The following TCF4 variants were observed in gnomAD, a reference collection of about 807,000 sequenced individuals.
The protein encoded by TCF4 is SL3-3 enhancer factor 2.
TCF4 carries 3 observed loss-of-function variants against 82.1 expected under a neutral mutation model. The ratio of observed to expected loss-of-function variants is 0.04; its 90% confidence interval spans 0.02 to 0.09. The LOEUF (loss-of-function observed/expected upper bound fraction) is 0.09. Ranked by LOEUF, TCF4 falls within the 10% of genes least tolerant of loss-of-function variation. The probability of loss-of-function intolerance (pLI) is 1.00; values close to 1 mark genes in which losing one functional copy is unlikely to be tolerated. For synonymous variants in TCF4, 276 were observed against 309.6 expected (o/e 0.89, Z 1.14); for missense variants, 518 against 852.7 (o/e 0.61, Z 4.89).
At chr18:55,302,375 C>T (rs952505305) in intron 8 of TCF4, 69 of 1,523,820 alleles carry the variant, frequency 4.5e-5, no homozygotes, top group African/African-American at 9.6e-5. Context: ...TCAAGTCAGG[C>T]AGGCTCAGGA....
intron 15 of TCF4, among the ~76,000 whole-genome samples, chr18:55,242,297 C>T (rs977025998): frequency 5.3e-5 from 8 of 152,100 alleles, no homozygotes; most frequent in African/African-American, 1.7e-4. Context: ...TGCTGCCATT[C>T]GTAAAGCCTA....
intron 5 of TCF4, among the ~76,000 whole-genome samples, chr18:55,429,856 G>A (rs1334252784): frequency 6.8e-6 from 1 of 147,848 alleles, no homozygotes; most frequent in Non-Finnish European, 1.5e-5. Flanking sequence ...TCCAAATCCT[G>A]AAGATTCCAC....
intron 8 of TCF4, among the ~76,000 whole-genome samples, chr18:55,291,327 A>T (rs1416047395): frequency 6.6e-6 from 1 of 152,184 alleles, no homozygotes; most frequent in Non-Finnish European, 1.5e-5. Flanking sequence ...AGAGTTATAA[A>T]TGAACTCTGC....
intron 5 of TCF4, chr18:55,423,700 G>C (rs1037388719): frequency 1.3e-5 from 2 of 152,492 alleles, no homozygotes; most frequent in Non-Finnish European, 1.5e-5. Context: ...CAGCGCAGCC[G>C]TGCAACAACG....
At chr18:55,493,362 T>C (rs916877114) in intron 3 of TCF4, among the ~76,000 whole-genome samples, 6 of 152,150 alleles carry the variant, frequency 3.9e-5, no homozygotes, top group Non-Finnish European at 7.4e-5. Flanking sequence ...TCATTACAAA[T>C]AATATCACTC....
chr18:55,512,276 A>C (rs1185053484), intron 3 of TCF4, among the ~76,000 whole-genome samples: 5 of 152,182 alleles, frequency 3.3e-5, no homozygotes, highest in Non-Finnish European at 7.4e-5. Context: ...TCTTAAAATA[A>C]ATTATGGAAG....
rs1031546669 is a variant in TCF4 at position 55,320,048 on chromosome 18, A to G, written c.549+30311T>C. ...GAGACACTTTTGCTTACTGACTACG[A>G]TGGCATCATTCACAAAATTTTCATT... On this transcript the variant is annotated intron_variant, in intron 8 of 19. Transcript: ENST00000354452. Among the ~76,000 whole-genome samples the G allele has an allele frequency of 2.0e-5, 3 of 152,208 alleles. No individual in the cohort carries two copies. The East Asian group carries it at 5.8e-4, about 29-fold the overall frequency.
At chr18:55,617,921 A>G (rs1417421728) in intron 2 of TCF4, among the ~76,000 whole-genome samples, 3 of 151,326 alleles carry the variant, frequency 2.0e-5, no homozygotes, top group African/African-American at 7.3e-5. Flanking sequence ...CTTCCTTTCC[A>G]GCTTGGATGC....
chr18:55,575,106 A>G (rs931293693), intron 3 of TCF4, among the ~76,000 whole-genome samples: 1 of 152,210 alleles, frequency 6.6e-6, no homozygotes, highest in African/African-American at 2.4e-5. Flanking sequence ...CACCCCATAT[A>G]AAAGAGAAAT....
intron 5 of TCF4, among the ~76,000 whole-genome samples, chr18:55,440,854 A>T (rs1172530009): frequency 9.9e-5 from 15 of 152,102 alleles, no homozygotes; most frequent in Admixed American, 3.9e-4. Context: ...GTCTATTCTT[A>T]CACAGCATAA....
chr18:55,293,297 T>C (rs570007885), intron 8 of TCF4, among the ~76,000 whole-genome samples: 5 of 152,150 alleles, frequency 3.3e-5, no homozygotes, highest in Non-Finnish European at 7.4e-5. Flanking sequence ...TGTTATCAGT[T>C]GCTACATGGA....
intron 15 of TCF4, among the ~76,000 whole-genome samples, chr18:55,246,076 G>T (rs920554134): frequency 6.6e-6 from 1 of 152,056 alleles, no homozygotes; most frequent in African/African-American, 2.4e-5. Context: ...CCAAATTATG[G>T]ATAGTTTAAG....
chr18:55,234,686 G>T lies in TCF4; in HGVS notation c.1351-3C>A. On this transcript the variant is annotated splice_polypyrimidine_tract_variant and splice_region_variant and intron_variant, in intron 15 of 19. Coordinates refer to ENST00000354452, the MANE Select transcript of TCF4 (RefSeq NM_001083962.2). ...CCATCTTCACGATGGGTCCCCACCT[G>T]AAAGGGCGAGAGGAACCAGAGAGGT... The T allele has an allele frequency of 6.2e-7, 1 of 1,614,124 alleles. No homozygotes were observed. Among genetic ancestry groups the T allele is most frequent in the Non-Finnish European group, 8.5e-7 (1 of 1,180,004 alleles).
chr18:55,388,619 A>G (rs978980543), intron 6 of TCF4, among the ~76,000 whole-genome samples: 2 of 152,166 alleles, frequency 1.3e-5, no homozygotes, highest in African/African-American at 4.8e-5. Context: ...TTAATAATGA[A>G]TAGAGAGCTG....
chr18:55,438,571 T>C (rs2095378164), intron 5 of TCF4, among the ~76,000 whole-genome samples: 1 of 152,144 alleles, frequency 6.6e-6, no homozygotes, highest in Non-Finnish European at 1.5e-5. Flanking sequence ...ACATGGAACA[T>C]TACATATGAG....
At position 55,378,174 on chromosome 18, in the gene TCF4, C is replaced by G. The variant is rs539146849; in HGVS notation, c.369+25280G>C. 8.5e-5 allele frequency among the ~76,000 whole-genome samples: 13 copies of G among 152,194 alleles called. No homozygotes were observed. In the South Asian group the frequency reaches 2.7e-3, roughly 32 times the overall value. On this transcript the variant is annotated intron_variant, in intron 6 of 19. Coordinates refer to ENST00000354452, the MANE Select transcript of TCF4 (RefSeq NM_001083962.2). ...GAGTTGGACCAAAATGAAAAGTTTC[C>G]CTAAGAATACTTGACCCACAGATTG...
At chr18:55,272,694 C>T (rs2060637539) in intron 10 of TCF4, among the ~76,000 whole-genome samples, 1 of 152,006 alleles carries the variant, frequency 6.6e-6, no homozygotes, top group African/African-American at 2.4e-5. Flanking sequence ...TTGTGCCAGA[C>T]AATTCTTTGC....
intron 2 of TCF4, among the ~76,000 whole-genome samples, chr18:55,621,619 T>C (rs1343907036): frequency 4.6e-5 from 1 of 21,852 alleles, no homozygotes; most frequent in Non-Finnish European, 8.3e-5. Flanking sequence ...TATATAATAT[T>C]ATATATAATA....
intron 2 of TCF4, among the ~76,000 whole-genome samples, chr18:55,630,965 G>C (rs974751566): frequency 4.6e-5 from 7 of 152,044 alleles, no homozygotes; most frequent in Admixed American, 1.3e-4. Context: ...AAAAGAAGGA[G>C]CACAATGCAA....
Sources: allele counts gnomAD v4.1 joint callset (sites outside exome capture counted in the v4.1 genomes callset), GRCh38; gene constraint gnomAD v4.1.1; transcripts MANE v1.5; gene names NCBI Gene and HGNC (gene_info 2026-07-23, HGNC 2026-07-21).